C18orf54: variants seen among roughly 807,000 people sequenced by gnomAD.
C18orf54 encodes chromosome 18 open reading frame 54.
Under a neutral mutation model 49.3 loss-of-function variants are expected in C18orf54, and 49 were observed. That is an observed-to-expected ratio of 0.99 (90% confidence interval 0.79 to 1.26). C18orf54 has a LOEUF of 1.26. C18orf54 is among the 50% of genes most tolerant of loss of function. C18orf54 has a pLI of 0.00. For missense variants in C18orf54, 687 were observed against 620.6 expected, an observed-to-expected ratio of 1.11 and a Z score of -1.14; for synonymous variants, 211 against 216.6, an observed-to-expected ratio of 0.97 and a Z score of 0.23.
chr18:54,358,344 C>G (rs1046074440), intron 1 of C18orf54, among the ~76,000 whole-genome samples: 1 of 152,206 alleles, frequency 6.6e-6, no homozygotes, highest in Non-Finnish European at 1.5e-5. Flanking sequence ...CGGGCGTCTG[C>G]GGACCTGAGG....
chr18:54,375,763 A>C (rs144766251), intron 8 of C18orf54, among the ~76,000 whole-genome samples: 23 of 152,096 alleles, frequency 1.5e-4, no homozygotes, highest in African/African-American at 4.3e-4. Flanking sequence ...TCATTTTTAG[A>C]GAGAGTAAGT....
At chr18:54,364,139 A>G (rs979468383) in intron 5 of C18orf54, among the ~76,000 whole-genome samples, 2 of 67,142 alleles carry the variant, frequency 3.0e-5, no homozygotes, top group African/African-American at 1.9e-4. Context: ...GTTGAGATAT[A>G]TATACATATT....
chr18:54,364,100 A>C (rs2089329066), intron 5 of C18orf54: 1 of 149,042 alleles, frequency 6.7e-6, no homozygotes, highest in African/African-American at 2.5e-5. Flanking sequence ...TTTTAGCTTC[A>C]TTTCTCCTTA....
At chr18:54,376,357 C>G (rs1321438529) in intron 8 of C18orf54, among the ~76,000 whole-genome samples, 1 of 152,212 alleles carries the variant, frequency 6.6e-6, no homozygotes, top group Non-Finnish European at 1.5e-5. Context: ...TGCCACCATG[C>G]CCGGCTAATT....
In C18orf54 at chr18:54,378,772, T is replaced by G. The variant is rs1024039921; in HGVS notation, c.*526T>G. ...TTTGAAATTTTCATAAATTTAATAT[T>G]TAAGATACATTGTATTTGAAAATTG... is the stretch of plus-strand genomic sequence containing the variant. On this transcript the variant is annotated 3_prime_UTR_variant, in exon 9 of 9. Coordinates refer to ENST00000620105, the MANE Select transcript of C18orf54 (RefSeq NM_001288980.2). 3 of 152,202 alleles carry G rather than the reference T, an allele frequency of 2.0e-5. No individual in the cohort carries two copies. Among genetic ancestry groups the G allele is most frequent in the Non-Finnish European group, 4.4e-5 (3 of 68,048 alleles). The allele number at this position is 152,202 out of a possible 1,614,324, so 9.4% of individuals were successfully genotyped here. A position where few individuals can be genotyped will look rare whatever the true frequency, so the allele number is the denominator to read the frequency against.
chr18:54,365,889 A>C lies in C18orf54; in HGVS notation c.1326+68A>C, dbSNP rs116395327. Reference sequence around the variant, plus strand: ...GAATAATATGTAGATACTAATTTTTAAGTTACTTAGATAATTTAAAGCAAA... The same window carrying C: ...GAATAATATGTAGATACTAATTTTTCAGTTACTTAGATAATTTAAAGCAAA... On this transcript the variant is annotated intron_variant, in intron 6 of 8. Coordinates refer to ENST00000620105, the MANE Select transcript of C18orf54 (RefSeq NM_001288980.2). 1,306 of 879,356 alleles carry C rather than the reference A, an allele frequency of 1.5e-3. 9 individuals are homozygous for C. In the African/African-American group the frequency reaches 0.02, roughly 14 times the overall value. 54.5% of individuals were successfully genotyped at this position (879,356 alleles called of 1,614,324 possible).
chr18:54,366,414 A>G (rs2089385927), intron 6 of C18orf54, among the ~76,000 whole-genome samples: 1 of 152,038 alleles, frequency 6.6e-6, no homozygotes, highest in Non-Finnish European at 1.5e-5. Context: ...TATTTTACCT[A>G]ACATAATGTC....
Position 54,361,761 on chromosome 18 carries a change from T to G in C18orf54, c.402T>G (p.Asp134Glu), listed in dbSNP as rs112193898. The change falls in exon 4 of 9, where the codon GAT (aspartate) becomes GAG (glutamate). Residue 134 changes from aspartate (D) to glutamate (E), a missense_variant. Coordinates refer to ENST00000620105, the MANE Select transcript of C18orf54 (RefSeq NM_001288980.2). ...TTDDLLRLPA[D>E]GSFSYTYVGP... is the part of the protein sequence containing the mutation. The stretch of plus-strand genomic sequence containing the variant: ...ATGATCTATTAAGACTCCCAGCAGA[T>G]GGATCATTTTCTTATACTTATGTTG... 3.7e-6 allele frequency: 6 copies of G among 1,613,918 alleles called. No individual in the cohort carries two copies. Among genetic ancestry groups the G allele is most frequent in the Non-Finnish European group, 5.1e-6 (6 of 1,179,964 alleles).
chr18:54,364,121 A>G (rs2089329881), intron 5 of C18orf54: 1 of 119,728 alleles, frequency 8.4e-6, no homozygotes, highest in African/African-American at 3.5e-5. Context: ...TATATTTCAT[A>G]TATATATGTT....
At chr18:54,363,624 C>T (rs1463617549) in intron 5 of C18orf54, among the ~76,000 whole-genome samples, 2 of 152,088 alleles carry the variant, frequency 1.3e-5, no homozygotes, top group Non-Finnish European at 2.9e-5. Context: ...CCTGAAGTTA[C>T]AAATTTCTTA....
At chr18:54,373,160 A>T (rs1187979449) in intron 7 of C18orf54, among the ~76,000 whole-genome samples, 1 of 151,876 alleles carries the variant, frequency 6.6e-6, no homozygotes, top group East Asian at 1.9e-4. Context: ...TTTTTCCCAC[A>T]AAAGTATAGT....
intron 6 of C18orf54, among the ~76,000 whole-genome samples, chr18:54,371,937 G>A (rs1247875120): frequency 1.3e-5 from 2 of 152,046 alleles, no homozygotes; most frequent in East Asian, 3.8e-4. Flanking sequence ...CTTAAGTACT[G>A]CTGCGTTCTT....
chr18:54,377,926 A>T (rs1269732539), intron 8 of C18orf54, among the ~76,000 whole-genome samples: 1 of 152,166 alleles, frequency 6.6e-6, no homozygotes, highest in African/African-American at 2.4e-5. Context: ...AGACTATCTT[A>T]AAAAAAGTTA....
At chr18:54,377,152 C>G (rs1486977390) in intron 8 of C18orf54, among the ~76,000 whole-genome samples, 3 of 152,118 alleles carry the variant, frequency 2.0e-5, no homozygotes, top group Non-Finnish European at 4.4e-5. Flanking sequence ...CCTGCCTCAG[C>G]CTCCTGAGTA....
chr18:54,376,110 A>T lies in C18orf54; in HGVS notation c.1529+1826A>T, dbSNP rs559629551. On this transcript the variant is annotated intron_variant, in intron 8 of 8. Coordinates refer to ENST00000620105, the MANE Select transcript of C18orf54 (RefSeq NM_001288980.2). ...TTACTGATTATACTTTGTAGGCTTT[A>T]TTGGCCTTTCCTAAGGTAAAATCCT... Among the ~76,000 whole-genome samples the T allele has an allele frequency of 4.6e-5, 7 of 152,332 alleles. 1 individual carries two copies. The South Asian group carries it at 1.5e-3, about 32-fold the overall frequency.
intron 6 of C18orf54, among the ~76,000 whole-genome samples, chr18:54,372,045 T>C (rs1299397912): frequency 6.6e-6 from 1 of 152,048 alleles, no homozygotes; most frequent in Admixed American, 6.5e-5. Context: ...CATTCTGTTA[T>C]AAAAACATAT....
At position 54,361,676 on chromosome 18, in the gene C18orf54, A is replaced by G. The variant is rs1334440599; in HGVS notation, c.317A>G (p.Asn106Ser). The change falls in exon 4 of 9, where the codon AAC becomes AGC. Residue 106 changes from asparagine to serine, a missense_variant. Asn to Ser is a conservative substitution (Grantham distance 46). Coordinates refer to ENST00000620105, the MANE Select transcript of C18orf54 (RefSeq NM_001288980.2). ...FENLDHKKHS[N>S]FISCRRHTVN... ...AACCTTGATCACAAAAAGCACTCAA[A>G]CTTCATATCCTGTAGAAGACACACC... 2 of 1,595,344 alleles carry G rather than the reference A, an allele frequency of 1.3e-6. No individual in the cohort carries two copies. Among genetic ancestry groups the G allele is most frequent in the Non-Finnish European group, 8.5e-7 (1 of 1,173,126 alleles).
At chr18:54,371,502 T>C (rs191873767) in intron 6 of C18orf54, among the ~76,000 whole-genome samples, 113 of 152,256 alleles carry the variant, frequency 7.4e-4, no homozygotes, top group African/African-American at 2.6e-3. Context: ...TTTGGATATA[T>C]ACCTAAGAGG....
intron 8 of C18orf54, 89 bp downstream of exon 8, chr18:54,374,373 A>C: frequency 7.3e-7 from 1 of 1,375,016 alleles, no homozygotes; most frequent in South Asian, 1.7e-5. Flanking sequence ...AAGTAGTTTT[A>C]AGAGTAGCAC....
Sources: gnomAD v4.1 joint callset for allele counts (sites outside exome capture counted in the v4.1 genomes callset) on GRCh38, gnomAD v4.1.1 for gene constraint, MANE v1.5 for transcripts, NCBI Gene and HGNC (gene_info 2026-07-23, HGNC 2026-07-21) for gene names.